Variants in PRUNE2 observed in about 807,000 individuals in gnomAD.
The protein encoded by PRUNE2 is protein prune homolog 2.
PRUNE2 carries 164 observed loss-of-function variants against 252.0 expected under a neutral mutation model. That is an observed-to-expected ratio of 0.65 (90% confidence interval 0.57 to 0.74). PRUNE2 has a LOEUF of 0.74. Among genes scored for constraint, PRUNE2 ranks in the 30% least tolerant of loss-of-function variants. PRUNE2 has a pLI of 0.00. For missense variants in PRUNE2, 3,495 were observed against 3,711.0 expected (o/e 0.94, Z 1.51); for synonymous variants, 1,292 against 1,350.2 (o/e 0.96, Z 0.94).
At chr9:76,897,785 C>G (rs771339351) in intron 1 of PRUNE2, among the ~76,000 whole-genome samples, 1 of 152,158 alleles carries the variant, frequency 6.6e-6, no homozygotes, top group African/African-American at 2.4e-5. Flanking sequence ...ACCTACCTTA[C>G]AAGACCATTG....
chr9:76,630,614 T>C (rs1837161938), intron 15 of PRUNE2, among the ~76,000 whole-genome samples: 1 of 152,218 alleles, frequency 6.6e-6, no homozygotes, highest in Non-Finnish European at 1.5e-5. Flanking sequence ...AAGCTCTGCC[T>C]CCTGGGTTCA....
chr9:76,642,001 T>TAAAAAAAAAAAAAAAAAAAAGAA, intron 12 of PRUNE2: 2 of 1,010,454 alleles, frequency 2.0e-6, no homozygotes, highest in East Asian at 2.8e-5. Flanking sequence ...ATAAGAGAAG[T>TAAAAAAAAAAAAAAAAAAAAGAA]AAAAAAAAAA....
intron 6 of PRUNE2, among the ~76,000 whole-genome samples, chr9:76,764,020 G>A (rs1468900763): frequency 3.9e-5 from 6 of 152,304 alleles, no homozygotes; most frequent in East Asian, 3.9e-4. Flanking sequence ...TCTCAACTTC[G>A]TTAGGGTTAA....
At chr9:76,762,610 C>T (rs904995586) in intron 6 of PRUNE2, among the ~76,000 whole-genome samples, 2 of 152,196 alleles carry the variant, frequency 1.3e-5, no homozygotes, top group Non-Finnish European at 2.9e-5. Flanking sequence ...ACTCTCCAAA[C>T]TCTCCACGTT....
In PRUNE2 at chr9:76,797,724, T is replaced by C. The variant is rs1457635605; in HGVS notation, c.756+25908A>G. ...CACAGGATCACAAGGGGCCTAGCCATTGCCCGCTAAAAAGCAGCAGCAGTT... is the reference window on the plus strand; with the variant it reads ...CACAGGATCACAAGGGGCCTAGCCACTGCCCGCTAAAAAGCAGCAGCAGTT... On this transcript the variant is annotated intron_variant, in intron 6 of 18. Transcript: ENST00000376718. Among the ~76,000 whole-genome samples, 3 of 141,766 alleles carry C rather than the reference T, an allele frequency of 2.1e-5. No homozygotes were observed. In the East Asian group the frequency reaches 7.4e-4, roughly 35 times the overall value. 93.0% of individuals were successfully genotyped at this position (141,766 alleles called of 152,430 possible). A position where few individuals can be genotyped will look rare whatever the true frequency, so the allele number is the denominator to read the frequency against.
intron 6 of PRUNE2, among the ~76,000 whole-genome samples, chr9:76,719,079 A>G (rs1243483736): frequency 6.6e-6 from 1 of 152,216 alleles, no homozygotes; most frequent in Non-Finnish European, 1.5e-5. Context: ...CTGGTCTCTC[A>G]GTAATGTAGT....
At chr9:76,880,852 T>C (rs2061732811) in intron 1 of PRUNE2, among the ~76,000 whole-genome samples, 1 of 152,232 alleles carries the variant, frequency 6.6e-6, no homozygotes, top group South Asian at 2.1e-4. Context: ...TTATGTTATT[T>C]TTAACAAATT....
Position 76,636,565 on chromosome 9 carries a change from G to GA in PRUNE2, c.8964-9dup. 1.4e-6 allele frequency: 2 copies of GA among 1,430,500 alleles called. No individual in the cohort carries two copies. Among genetic ancestry groups the GA allele is most frequent in the South Asian group, 1.3e-5 (1 of 79,940 alleles). 88.6% of individuals were successfully genotyped at this position (1,430,500 alleles called of 1,614,324 possible). A position where few individuals can be genotyped will look rare whatever the true frequency, so the allele number is the denominator to read the frequency against. ...TTCAAATTCTTCCTCAACCTATTTTGAAAAAAGAAAAAAAATACATTACTC... is the reference window on the plus strand; with the variant it reads ...TTCAAATTCTTCCTCAACCTATTTTGAAAAAAAGAAAAAAAATACATTACTC... On this transcript the variant is annotated splice_polypyrimidine_tract_variant and intron_variant, in intron 14 of 18. Coordinates refer to ENST00000376718, the MANE Select transcript of PRUNE2 (RefSeq NM_015225.3).
chr9:76,707,035 C>T lies in PRUNE2; in HGVS notation c.5239G>A (p.Ala1747Thr), dbSNP rs189512325. ...GGGTTTGACTTATTCTCATTCTCTGCTGGCTCTGAGCTGTCTAGGTAGTCA... is the reference window on the plus strand; with the variant it reads ...GGGTTTGACTTATTCTCATTCTCTGTTGGCTCTGAGCTGTCTAGGTAGTCA... ...IYDYLDSSEP[A>T]ENENKSNPFC... is the part of the protein sequence containing the mutation. Residue 1747 changes from alanine to threonine, a missense_variant, in exon 8 of 19, where the codon GCA becomes ACA. Physicochemically the swap from Ala to Thr is moderately conservative, Grantham distance 58 (BLOSUM62 0). Transcript: ENST00000376718. 6.2e-7 allele frequency: 1 copy of T among 1,613,988 alleles called. No individual in the cohort carries two copies. The highest frequency in any genetic ancestry group is 1.3e-5 in the African/African-American group (1 of 75,046).
At chr9:76,746,892 C>T (rs1195056419) in intron 6 of PRUNE2, among the ~76,000 whole-genome samples, 1 of 152,196 alleles carries the variant, frequency 6.6e-6, no homozygotes, top group Non-Finnish European at 1.5e-5. Context: ...CATCCACATC[C>T]TTTGTAGCGT....
chr9:76,675,957 C>G (rs867954587), intron 9 of PRUNE2, among the ~76,000 whole-genome samples: 11 of 145,766 alleles, frequency 7.5e-5, no homozygotes, highest in South Asian at 4.6e-4. Flanking sequence ...GGAGATATAC[C>G]TAATGCTAGA....
At chr9:76,743,253 G>C (rs1464927347) in intron 6 of PRUNE2, among the ~76,000 whole-genome samples, 1 of 152,176 alleles carries the variant, frequency 6.6e-6, no homozygotes, top group Non-Finnish European at 1.5e-5. Context: ...AGCAGCATGA[G>C]AATGGACTAA....
chr9:76,772,916 G>C (rs1054226215), intron 6 of PRUNE2, among the ~76,000 whole-genome samples: 2 of 152,194 alleles, frequency 1.3e-5, no homozygotes, highest in Non-Finnish European at 2.9e-5. Flanking sequence ...AAAAAATTAA[G>C]TGGCTTTAAC....
intron 6 of PRUNE2, among the ~76,000 whole-genome samples, chr9:76,719,467 T>C (rs1324973642): frequency 6.6e-6 from 1 of 152,110 alleles, no homozygotes; most frequent in African/African-American, 2.4e-5. Flanking sequence ...AAATGGGCAC[T>C]ATCAAACTTT....
intron 1 of PRUNE2, among the ~76,000 whole-genome samples, chr9:76,893,567 C>T (rs928104508): frequency 2.0e-5 from 3 of 152,210 alleles, no homozygotes; most frequent in Admixed American, 6.5e-5. Context: ...TTATGAGATT[C>T]ATCAGAGCCA....
chr9:76,733,565 A>AT (rs879823862), intron 6 of PRUNE2: 7,870 of 146,308 alleles, frequency 0.054, 642 homozygotes, highest in African/African-American at 0.18. Flanking sequence ...CGCCTGGCTA[A>AT]TTTTTTTTTT....
At chr9:76,768,583 A>ATGTGTGTGTG (rs55793596) in intron 6 of PRUNE2, among the ~76,000 whole-genome samples, 110 of 103,348 alleles carry the variant, frequency 1.1e-3, no homozygotes, top group African/African-American at 3.3e-3. Context: ...ATGTATATGT[A>ATGTGTGTGTG]TGTGTGTGTG....
intron 8 of PRUNE2, 91 bp downstream of exon 8, chr9:76,704,670 C>T (rs916277141): frequency 2.2e-6 from 2 of 916,984 alleles, no homozygotes; most frequent in East Asian, 2.6e-5. Flanking sequence ...TCTCTCTACC[C>T]TCATTGGTAG....
chr9:76,667,128 G>A (rs2040359647), intron 9 of PRUNE2, among the ~76,000 whole-genome samples: 1 of 152,296 alleles, frequency 6.6e-6, no homozygotes, highest in Middle Eastern at 3.4e-3. Flanking sequence ...AGAAATATAG[G>A]TGATGCTTAT....
Sources: gnomAD v4.1 joint callset for allele counts (sites outside exome capture counted in the v4.1 genomes callset) on GRCh38, gnomAD v4.1.1 for gene constraint, MANE v1.5 for transcripts, NCBI Gene and HGNC (gene_info 2026-07-23, HGNC 2026-07-21) for gene names.